Variants in ELL2 observed in about 807,000 individuals in gnomAD.
ELL2 encodes elongation factor for RNA polymerase II 2, also known as RNA polymerase II elongation factor ELL2.
ELL2 carries 21 observed loss-of-function variants against 72.8 expected under a neutral mutation model. That is an observed-to-expected ratio of 0.29 (90% CI 0.20 to 0.42). The LOEUF (loss-of-function observed/expected upper bound fraction) is 0.42. Among genes scored for constraint, ELL2 ranks in the 10% least tolerant of loss-of-function variants. The pLI is 1.00. For synonymous variants in ELL2, 266 were observed against 283.2 expected (o/e 0.94, Z 0.61); for missense variants, 568 against 772.8 (o/e 0.73, Z 3.14).
At chr5:95,920,292 T>TTTA (rs1750003392) in intron 2 of ELL2, among the ~76,000 whole-genome samples, 1 of 143,604 alleles carries the variant, frequency 7.0e-6, no homozygotes, top group Non-Finnish European at 1.5e-5. Context: ...TATTTATTTA[T>TTTA]TTATTTATTT....
chr5:95,945,899 T>C (rs1451719527), intron 1 of ELL2, among the ~76,000 whole-genome samples: 1 of 152,184 alleles, frequency 6.6e-6, no homozygotes, highest in East Asian at 1.9e-4. Flanking sequence ...CATTTTTAGT[T>C]TCTATTTGCT....
intron 6 of ELL2, 63 bp downstream of exon 6, chr5:95,900,892 TA>T: frequency 6.4e-7 from 1 of 1,566,798 alleles, no homozygotes; most frequent in Non-Finnish European, 8.6e-7. Flanking sequence ...ATGACTAAAA[TA>T]ATGACTTATT....
chr5:95,911,914 G>A (rs1054961897), intron 4 of ELL2, among the ~76,000 whole-genome samples: 16 of 152,184 alleles, frequency 1.1e-4, no homozygotes, highest in South Asian at 4.1e-4. Flanking sequence ...CAGAGTGCCC[G>A]GATTGGCCGA....
At chr5:95,957,738 A>T (rs1276910173) in intron 1 of ELL2, among the ~76,000 whole-genome samples, 1 of 152,218 alleles carries the variant, frequency 6.6e-6, no homozygotes, top group Non-Finnish European at 1.5e-5. Flanking sequence ...AAGTAGGATT[A>T]TGTGTCTTTT....
At chr5:95,890,997 A>G in intron 10 of ELL2, 106 bp downstream of exon 10, 1 of 1,341,334 alleles carries the variant, frequency 7.5e-7, no homozygotes, top group Non-Finnish European at 1.1e-6. Context: ...CTGGTCTGCA[A>G]GAGTACTTAC....
At chr5:95,950,665 AC>A (rs1046456745) in intron 1 of ELL2, among the ~76,000 whole-genome samples, 1 of 151,912 alleles carries the variant, frequency 6.6e-6, no homozygotes, top group Admixed American at 6.6e-5. Flanking sequence ...AGTCAATGTA[AC>A]CTTAGATTCA....
chr5:95,920,939 C>T (rs996923086), intron 2 of ELL2, among the ~76,000 whole-genome samples: 1 of 152,142 alleles, frequency 6.6e-6, no homozygotes, highest in South Asian at 2.1e-4. Flanking sequence ...TGCTGCTTAG[C>T]GTGTATGCAC....
chr5:95,957,963 G>A (rs1751679973), intron 1 of ELL2, among the ~76,000 whole-genome samples: 1 of 152,132 alleles, frequency 6.6e-6, no homozygotes, highest in Non-Finnish European at 1.5e-5. Flanking sequence ...AACTCCAATA[G>A]ACAAAATAAT....
chr5:95,891,133 C>T lies in ELL2; in HGVS notation c.1731G>A (p.Lys577=). 1 of 1,614,110 alleles carries T rather than the reference C, an allele frequency of 6.2e-7. No homozygotes were observed. Among genetic ancestry groups the T allele is most frequent in the Non-Finnish European group, 8.5e-7 (1 of 1,180,016 alleles). ...RRFIKLDAQR[K]RLSPGSKEYQ... is the part of the protein sequence containing the mutation. ...ACTCTTTTGAGCCTGGAGAAAGGCG[C>T]TTTCTTTGTGCATCTAGTTTGATAA... Residue 577 remains lysine, a synonymous_variant, in exon 10 of 12, where the codon AAG becomes AAA. Transcript: ENST00000237853.
intron 3 of ELL2, among the ~76,000 whole-genome samples, chr5:95,918,740 A>G (rs1196871187): frequency 1.3e-5 from 2 of 152,200 alleles, no homozygotes; most frequent in African/African-American, 4.8e-5. Context: ...CTCCTGCTCA[A>G]GGGCCTATTC....
intron 2 of ELL2, chr5:95,932,804 G>C (rs777183792): frequency 2.0e-5 from 3 of 152,068 alleles, no homozygotes; most frequent in Non-Finnish European, 4.4e-5. Flanking sequence ...AATACAGTAT[G>C]TAAAAAGTTA....
In ELL2 at chr5:95,900,788, G is replaced by C. The variant is rs1396057977; in HGVS notation, c.867-8C>G. 3.7e-6 allele frequency: 6 copies of C among 1,600,162 alleles called. No homozygotes were observed. On this transcript the variant is annotated splice_polypyrimidine_tract_variant and splice_region_variant and intron_variant, in intron 6 of 11. Coordinates refer to ENST00000237853, the MANE Select transcript of ELL2 (RefSeq NM_012081.6). ...TGAGACGGATTTAGTTTTCTGTAAA[G>C]GACACACATGTTATGTGTTAAGGAG...
At chr5:95,895,857 A>G (rs1748854753) in intron 8 of ELL2, among the ~76,000 whole-genome samples, 166 bp from the exon 9 acceptor site, 1 of 152,240 alleles carries the variant, frequency 6.6e-6, no homozygotes, top group Non-Finnish European at 1.5e-5. Flanking sequence ...CATGAACAAT[A>G]GAGGCCCTAT....
intron 2 of ELL2, among the ~76,000 whole-genome samples, chr5:95,924,212 C>G (rs1010711349): frequency 6.6e-6 from 1 of 151,680 alleles, no homozygotes; most frequent in Non-Finnish European, 1.5e-5. Context: ...TATGCAGGAG[C>G]CTATTCCATT....
intron 2 of ELL2, among the ~76,000 whole-genome samples, chr5:95,929,939 T>C (rs1580518094): frequency 6.6e-6 from 1 of 152,216 alleles, no homozygotes; most frequent in Non-Finnish European, 1.5e-5. Flanking sequence ...CTTAAGTTCA[T>C]ATTATACATT....
intron 2 of ELL2, among the ~76,000 whole-genome samples, chr5:95,926,507 T>C (rs1561503564): frequency 6.6e-6 from 1 of 152,174 alleles, no homozygotes; most frequent in Non-Finnish European, 1.5e-5. Context: ...AATTAATAAA[T>C]AATTCAGGAA....
At chr5:95,957,708 G>C (rs3777162) in intron 1 of ELL2, among the ~76,000 whole-genome samples, 1 of 151,856 alleles carries the variant, frequency 6.6e-6, no homozygotes, top group South Asian at 2.1e-4. Flanking sequence ...TAAAAATAGG[G>C]AACCTGAATA....
chr5:95,950,246 CT>C (rs1167237848), intron 1 of ELL2, among the ~76,000 whole-genome samples: 1 of 152,172 alleles, frequency 6.6e-6, no homozygotes, highest in Non-Finnish European at 1.5e-5. Context: ...TTCTTTCCCC[CT>C]ATGCTATTTA....
chr5:95,909,235 T>C (rs763217559), intron 4 of ELL2, among the ~76,000 whole-genome samples: 2 of 152,174 alleles, frequency 1.3e-5, no homozygotes, highest in South Asian at 2.1e-4. Context: ...TTGGGGCCCA[T>C]TGCTAGACTG....
Sources: allele counts gnomAD v4.1 joint callset (sites outside exome capture counted in the v4.1 genomes callset), GRCh38; gene constraint gnomAD v4.1.1; transcripts MANE v1.5; gene names NCBI Gene and HGNC (gene_info 2026-07-23, HGNC 2026-07-21).